Variants in CADPS observed in about 807,000 individuals in gnomAD.
CADPS encodes calcium dependent secretion activator.
In CADPS, 57 loss-of-function variants were observed where a neutral mutation model predicts 167.3. The observed-to-expected ratio is 0.34, with a 90% confidence interval of 0.28 to 0.42. The LOEUF (loss-of-function observed/expected upper bound fraction) is 0.42, where lower values mean the gene tolerates loss of function less well. Ranked by LOEUF, CADPS falls within the 20% of genes least tolerant of loss-of-function variation. CADPS has a pLI of 1.00. For missense variants in CADPS, 1,414 were observed against 1,738.1 expected (o/e 0.81, Z 3.32); for synonymous variants, 676 against 635.3 (o/e 1.06, Z -0.96).
rs552249139 is a variant in CADPS, at chr3:62,412,229, G to T, written c.3778-9044C>A. Among the ~76,000 whole-genome samples, 19 of 150,492 alleles carry T rather than the reference G, an allele frequency of 1.3e-4. No homozygotes were observed. Among genetic ancestry groups the T allele is most frequent in the African/African-American group, 4.6e-4 (19 of 40,906 alleles). On this transcript the variant is annotated intron_variant, in intron 28 of 29. Transcript: ENST00000383710. This position sits in a 1 kb window ranked among gnomAD's most constrained non-coding sequence, Gnocchi z 4.1. The stretch of plus-strand genomic sequence containing the variant: ...CTGAAGTCTTTACAAAGCTATCAGT[G>T]CTGTGGCTTTTCAGGATGGCCGGGT...
chr3:62,530,336 G>A (rs2073362675), intron 13 of CADPS, among the ~76,000 whole-genome samples: 1 of 151,976 alleles, frequency 6.6e-6, no homozygotes, highest in Non-Finnish European at 1.5e-5. Flanking sequence ...GAATGACTTG[G>A]TAAGGTACCA....
At chr3:62,471,666 C>T (rs2060640166) in intron 24 of CADPS, among the ~76,000 whole-genome samples, 1 of 152,116 alleles carries the variant, frequency 6.6e-6, no homozygotes, top group South Asian at 2.1e-4. Context: ...GAGGAGAAGG[C>T]AAGACCAGTC....
At chr3:62,521,464 T>C (rs934571096) in intron 13 of CADPS, among the ~76,000 whole-genome samples, 1 of 152,198 alleles carries the variant, frequency 6.6e-6, no homozygotes, top group African/African-American at 2.4e-5. Flanking sequence ...TCAGACGCCA[T>C]GCTTTTGTTT....
chr3:62,630,012 T>G (rs1490648717), intron 6 of CADPS, among the ~76,000 whole-genome samples: 1 of 152,160 alleles, frequency 6.6e-6, no homozygotes. Flanking sequence ...TTAATTTTTT[T>G]CATAGAATTC....
At chr3:62,449,239 A>G (rs891117679) in intron 26 of CADPS, among the ~76,000 whole-genome samples, 23 of 152,206 alleles carry the variant, frequency 1.5e-4, no homozygotes, top group African/African-American at 5.5e-4. Flanking sequence ...GCTCAAACAG[A>G]GGCTAGGTAG....
At chr3:62,633,477 C>T (rs1188682797) in intron 6 of CADPS, among the ~76,000 whole-genome samples, 3 of 152,138 alleles carry the variant, frequency 2.0e-5, no homozygotes, top group Non-Finnish European at 2.9e-5. Flanking sequence ...TGCTGACTTG[C>T]TGTCTTCTCT....
chr3:62,619,674 A>G (rs1218471187), intron 6 of CADPS, among the ~76,000 whole-genome samples: 1 of 152,168 alleles, frequency 6.6e-6, no homozygotes. Context: ...CATTGTTTCC[A>G]GGTAATTTTT....
intron 2 of CADPS, among the ~76,000 whole-genome samples, chr3:62,760,534 T>C (rs1239781350): frequency 2.0e-5 from 3 of 152,094 alleles, no homozygotes; most frequent in Non-Finnish European, 2.9e-5. Context: ...GGATTACAGA[T>C]GTGAACTGCA....
intron 13 of CADPS, among the ~76,000 whole-genome samples, chr3:62,518,505 G>T (rs1181475655): frequency 6.6e-6 from 1 of 152,200 alleles, no homozygotes; most frequent in Non-Finnish European, 1.5e-5. Context: ...TGGCTTGAAG[G>T]TTAAGTCCAG....
intron 6 of CADPS, among the ~76,000 whole-genome samples, chr3:62,603,993 AT>A (rs11426162): frequency 0.11 from 16,125 of 147,418 alleles, 1,036 homozygotes; most frequent in Middle Eastern, 0.27. Flanking sequence ...CGCCCGGCTA[AT>A]TTTTTTTTTT....
Position 62,601,936 on chromosome 3 carries a change from G to T in CADPS, c.1326-9188C>A, listed in dbSNP as rs923304787. On this transcript the variant is annotated intron_variant, in intron 6 of 29. Transcript: ENST00000383710. The surrounding 1 kb of genome is among the most constrained non-coding windows in gnomAD (Gnocchi z 4.3). Reference sequence around the variant, plus strand: ...TGGGTAAAACAACCTTGTTCTCTGTGTTTGGGGAGCATCTGCTTGATCACA... The same window carrying T: ...TGGGTAAAACAACCTTGTTCTCTGTTTTTGGGGAGCATCTGCTTGATCACA... 6.6e-6 allele frequency among the ~76,000 whole-genome samples: 1 copy of T among 152,122 alleles called. No homozygotes were observed.
chr3:62,564,083 A>T (rs1184470868), intron 9 of CADPS, among the ~76,000 whole-genome samples: 1 of 150,260 alleles, frequency 6.7e-6, no homozygotes, highest in East Asian at 2.0e-4. Flanking sequence ...CTCACTGCAA[A>T]CTCCACCTCC....
chr3:62,409,445 G>A (rs945392462), intron 28 of CADPS, among the ~76,000 whole-genome samples: 2 of 152,248 alleles, frequency 1.3e-5, no homozygotes, highest in African/African-American at 4.8e-5. Flanking sequence ...AAGATAGAAA[G>A]TTGCTAAGCA....
At position 62,460,306 on chromosome 3, in the gene CADPS, C is replaced by A. The variant is rs188792895; in HGVS notation, c.3636+5061G>T. On this transcript the variant is annotated intron_variant, in intron 26 of 29. Transcript: ENST00000383710. ...CCACAGTTGGTGCTTCTGTCCAAGGCAGACACCTCCACTCTGAAATATAGA... is the reference window on the plus strand; with the variant it reads ...CCACAGTTGGTGCTTCTGTCCAAGGAAGACACCTCCACTCTGAAATATAGA... Among the ~76,000 whole-genome samples, 38 of 152,306 alleles carry A rather than the reference C, an allele frequency of 2.5e-4. 1 individual carries two copies. The highest frequency in any genetic ancestry group is 8.9e-4 in the African/African-American group (37 of 41,568).
intron 3 of CADPS, among the ~76,000 whole-genome samples, chr3:62,686,043 C>T (rs1456113599): frequency 6.6e-6 from 1 of 152,054 alleles, no homozygotes; most frequent in African/African-American, 2.4e-5. Flanking sequence ...TACTAATTAC[C>T]TTGATCTGAC....
At chr3:62,709,912 G>A (rs1300846459) in intron 3 of CADPS, among the ~76,000 whole-genome samples, 2 of 151,608 alleles carry the variant, frequency 1.3e-5, no homozygotes, top group Non-Finnish European at 2.9e-5. Context: ...TGGGATTACA[G>A]GTGCCTGCCA....
At chr3:62,502,372 G>T (rs2065910481) in intron 17 of CADPS, among the ~76,000 whole-genome samples, 1 of 150,980 alleles carries the variant, frequency 6.6e-6, no homozygotes, top group Non-Finnish European at 1.5e-5. Context: ...CCCCAAGCTT[G>T]CGCTAGCTGG....
chr3:62,757,034 A>C (rs562529456), intron 2 of CADPS, among the ~76,000 whole-genome samples: 4 of 152,328 alleles, frequency 2.6e-5, no homozygotes, highest in Admixed American at 6.5e-5. Context: ...TGTGGAAAAG[A>C]GACTGATGAA....
At chr3:62,818,097 G>C (rs992700644) in intron 1 of CADPS, among the ~76,000 whole-genome samples, 3 of 152,140 alleles carry the variant, frequency 2.0e-5, no homozygotes, top group African/African-American at 7.2e-5. Context: ...ACCACCTACT[G>C]AGAATTGTTT....
Sources: gnomAD v4.1 joint callset for allele counts (sites outside exome capture counted in the v4.1 genomes callset) on GRCh38, gnomAD v4.1.1 for gene constraint, Gnocchi (gnomAD v3.1) non-coding constraint, MANE v1.5 for transcripts, NCBI Gene and HGNC (gene_info 2026-07-23, HGNC 2026-07-21) for gene names.